TXN: variants seen among roughly 807,000 people sequenced by gnomAD.
The protein encoded by TXN is ADF.
A neutral mutation model predicts 16.5 loss-of-function variants in TXN; 10 were observed. That is an observed-to-expected ratio of 0.61 (90% CI 0.37 to 1.03). The LOEUF (loss-of-function observed/expected upper bound fraction) is 1.03, where lower values mean the gene tolerates loss of function less well. Ranked by LOEUF, TXN falls within the 50% of genes least tolerant of loss-of-function variation. The pLI is 0.01. For missense variants in TXN, 71 were observed against 122.5 expected, an observed-to-expected ratio of 0.58 and a Z score of 1.98; for synonymous variants, 35 against 39.4, an observed-to-expected ratio of 0.89 and a Z score of 0.42.
chr9:110,245,593 G>GTA (rs201592675), intron 3 of TXN, among the ~76,000 whole-genome samples: 1,874 of 66,512 alleles, frequency 0.028, 209 homozygotes, highest in East Asian at 0.13. Context: ...GTGTGTGTGT[G>GTA]TATATATATA....
At chr9:110,245,602 T>TATATACACAC (rs200327890) in intron 3 of TXN, among the ~76,000 whole-genome samples, 1 of 62,500 alleles carries the variant, frequency 1.6e-5, no homozygotes, top group African/African-American at 5.6e-5. Context: ...TGTATATATA[T>TATATACACAC]ACACACACAC....
At chr9:110,247,747 ATTTAC>A (rs1837677197) in intron 3 of TXN, among the ~76,000 whole-genome samples, 1 of 152,190 alleles carries the variant, frequency 6.6e-6, no homozygotes, top group Non-Finnish European at 1.5e-5. Context: ...TGGTTTTTGT[ATTTAC>A]TTTAATTTCA....
chr9:110,251,389 C>T lies in TXN; in HGVS notation c.98G>A (p.Gly33Glu), dbSNP rs757034945. 6.2e-7 allele frequency: 1 copy of T among 1,611,674 alleles called. No individual in the cohort carries two copies. Among genetic ancestry groups the T allele is most frequent in the Non-Finnish European group, 8.5e-7 (1 of 1,179,678 alleles). The change falls in exon 2 of 5, where the codon GGG (glycine) becomes GAG (glutamate). Residue 33 changes from glycine (G) to glutamate (E), a missense_variant. Transcript: ENST00000374517. The part of the protein sequence containing the change: ...VVVDFSATWC[G>E]PCKMIKPFFH... ...GAAAGGCTTGATCATTTTGCAAGGC[C>T]CACACCACGTGGCTGAGAAGTCAAC... is the stretch of plus-strand genomic sequence containing the variant.
At chr9:110,246,453 C>T (rs371339313) in intron 3 of TXN, among the ~76,000 whole-genome samples, 4 of 152,054 alleles carry the variant, frequency 2.6e-5, no homozygotes, top group East Asian at 3.8e-4. Flanking sequence ...GACAATACCA[C>T]GAAACTGGTT....
intron 1 of TXN, among the ~76,000 whole-genome samples, chr9:110,252,057 C>T (rs1184490763): frequency 6.6e-6 from 1 of 151,858 alleles, no homozygotes; most frequent in African/African-American, 2.4e-5. Flanking sequence ...AATGCTGTCT[C>T]TACTAAAAAT....
At chr9:110,249,884 G>T (rs1837706194) in intron 3 of TXN, among the ~76,000 whole-genome samples, 1 of 152,192 alleles carries the variant, frequency 6.6e-6, no homozygotes, top group African/African-American at 2.4e-5. Flanking sequence ...GCCAGGACTG[G>T]AAGCCAGGTC....
chr9:110,247,678 A>C (rs535010133), intron 3 of TXN, among the ~76,000 whole-genome samples: 15 of 152,370 alleles, frequency 9.8e-5, no homozygotes, highest in African/African-American at 3.6e-4. Context: ...TCACTTAAAA[A>C]AGCATATCAC....
intron 1 of TXN, among the ~76,000 whole-genome samples, chr9:110,255,084 ACT>A (rs1837788022): frequency 1.3e-5 from 2 of 152,232 alleles, no homozygotes; most frequent in African/African-American, 4.8e-5. Context: ...AGGAAAAAAC[ACT>A]GAGAGTCAAT....
At chr9:110,245,508 C>T (rs1178550876) in intron 3 of TXN, among the ~76,000 whole-genome samples, 1 of 148,082 alleles carries the variant, frequency 6.8e-6, no homozygotes, top group Non-Finnish European at 1.5e-5. Flanking sequence ...TTCCCAGACT[C>T]AAGCCATCCT....
chr9:110,249,879 G>C (rs989303370), intron 3 of TXN, among the ~76,000 whole-genome samples: 2 of 152,184 alleles, frequency 1.3e-5, no homozygotes, highest in African/African-American at 2.4e-5. Flanking sequence ...AGTGAGCCAG[G>C]ACTGGAAGCC....
chr9:110,251,426 T>C lies in TXN; in HGVS notation c.61A>G (p.Lys21Glu), dbSNP rs749648542. The change falls in exon 2 of 5, where the codon AAA (lysine) becomes GAA (glutamate). Residue 21 changes from lysine to glutamate, a missense_variant. Physicochemically the swap from Lys to Glu is moderately conservative, Grantham distance 56 (BLOSUM62 1). Coordinates refer to ENST00000374517, the MANE Select transcript of TXN (RefSeq NM_003329.4). ...GCTGAGAAGTCAACTACTACAAGTT[T>C]ATCACCTGCAGCGTCCAAGGCTTCC... ...FQEALDAAGDKLVVVDFSATW... is the reference protein window; with the variant it reads ...FQEALDAAGDELVVVDFSATW... 8 of 1,612,042 alleles carry C rather than the reference T, an allele frequency of 5.0e-6. No homozygotes were observed. Among genetic ancestry groups the C allele is most frequent in the Admixed American group, 3.3e-5 (2 of 59,984 alleles).
chr9:110,255,962 G>C (rs1030809780), intron 1 of TXN, among the ~76,000 whole-genome samples: 1 of 152,196 alleles, frequency 6.6e-6, no homozygotes, highest in Non-Finnish European at 1.5e-5. Context: ...CCTGGGGCCT[G>C]AATCTGGATA....
chr9:110,250,092 G>A (rs535383743), intron 3 of TXN, among the ~76,000 whole-genome samples: 1 of 152,332 alleles, frequency 6.6e-6, no homozygotes, highest in African/African-American at 2.4e-5. Context: ...AGTGCTTAAG[G>A]TCAAGGGCTG....
intron 1 of TXN, among the ~76,000 whole-genome samples, chr9:110,255,141 C>G (rs1373786294): frequency 6.6e-6 from 1 of 152,208 alleles, no homozygotes; most frequent in African/African-American, 2.4e-5. Flanking sequence ...TGCAGACACA[C>G]TTCTGTTTCC....
rs550516751 is a variant in TXN at position 110,246,857 on chromosome 9, G to T, written c.190-2014C>A. Reference sequence around the variant, plus strand: ...ACTATTGAAAACTCACTCCAAGTAAGGGTCAGAGGGAGGTTACCATTTATA... The same window carrying T: ...ACTATTGAAAACTCACTCCAAGTAATGGTCAGAGGGAGGTTACCATTTATA... On this transcript the variant is annotated intron_variant, in intron 3 of 4. Coordinates refer to ENST00000374517, the MANE Select transcript of TXN (RefSeq NM_003329.4). Among the ~76,000 whole-genome samples the T allele has an allele frequency of 2.0e-5, 3 of 152,318 alleles. 1 individual carries two copies. Among genetic ancestry groups the T allele is most frequent in the African/African-American group, 7.2e-5 (3 of 41,572 alleles).
intron 3 of TXN, among the ~76,000 whole-genome samples, chr9:110,247,913 T>G (rs1837678723): frequency 6.6e-6 from 1 of 152,190 alleles, no homozygotes; most frequent in Non-Finnish European, 1.5e-5. Flanking sequence ...CCTGAAGACC[T>G]TTCTGTGAGA....
At chr9:110,250,946 GC>G in intron 2 of TXN, 67 bp from the exon 3 acceptor site, 1 of 1,162,736 alleles carries the variant, frequency 8.6e-7, no homozygotes, top group Non-Finnish European at 1.3e-6. Context: ...ACATACCCAA[GC>G]TTCTTAAATG....
intron 3 of TXN, among the ~76,000 whole-genome samples, chr9:110,245,351 A>G (rs1302198453): frequency 2.0e-5 from 3 of 151,832 alleles, no homozygotes; most frequent in Admixed American, 6.6e-5. Flanking sequence ...ATAAAAATCA[A>G]TTGTTCAAGA....
chr9:110,250,107 GC>G (rs999592243), intron 3 of TXN, among the ~76,000 whole-genome samples: 9 of 152,246 alleles, frequency 5.9e-5, no homozygotes, highest in African/African-American at 1.9e-4. Context: ...GGGCTGGGAA[GC>G]CAGACCACTT....
Sources: gnomAD v4.1 joint callset for allele counts (sites outside exome capture counted in the v4.1 genomes callset) on GRCh38, gnomAD v4.1.1 for gene constraint, MANE v1.5 for transcripts, NCBI Gene and HGNC (gene_info 2026-07-23, HGNC 2026-07-21) for gene names.